Variants in TRAF7 observed in about 807,000 individuals in gnomAD.
The protein encoded by TRAF7 is E3 ubiquitin-protein ligase TRAF7.
In TRAF7, 45 loss-of-function variants were observed where a neutral mutation model predicts 89.3. The ratio of observed to expected loss-of-function variants is 0.50; its 90% CI spans 0.40 to 0.65. The LOEUF (loss-of-function observed/expected upper bound fraction) is 0.65. Among genes scored for constraint, TRAF7 ranks in the 30% least tolerant of loss-of-function variants. The pLI, the probability that TRAF7 is intolerant of heterozygous loss-of-function variation, is 0.00. For synonymous variants in TRAF7, 406 were observed against 369.2 expected (o/e 1.10, Z -1.14); for missense variants, 677 against 918.1 (o/e 0.74, Z 3.39).
chr16:2,171,260 C>G lies in TRAF7; in HGVS notation c.349-4C>G, dbSNP rs752991506. The stretch of plus-strand genomic sequence containing the variant: ...CATCGCCTGCCTTTCCCGCTTGGTT[C>G]CAGGAGCCACTGGTGTTTGCGGAGC... On this transcript the variant is annotated splice_polypyrimidine_tract_variant and splice_region_variant and intron_variant, in intron 5 of 20. Coordinates refer to ENST00000326181, the MANE Select transcript of TRAF7 (RefSeq NM_032271.3). 6.3e-5 allele frequency: 97 copies of G among 1,545,080 alleles called. No homozygotes were observed. The highest frequency in any genetic ancestry group is 4.6e-4 in the South Asian group (39 of 84,146).
At position 2,172,201 on chromosome 16, in the gene TRAF7, C is replaced by A. The variant is rs752623393; in HGVS notation, c.486C>A (p.Pro162=). 36 of 1,612,912 alleles carry A rather than the reference C, an allele frequency of 2.2e-5. No individual in the cohort carries two copies. In the South Asian group the frequency reaches 3.7e-4, roughly 17 times the overall value. Residue 162 remains proline (P), a synonymous_variant, in exon 8 of 21, where the codon CCC becomes CCA. Transcript: ENST00000326181. ...RRCALKSEKC[P]VDNVKLTVVV... is the part of the protein sequence containing the mutation. ...GCCCTCCTCTCCCAGAGAAGTGTCC[C>A]GTGGACAACGTCAAACTGACCGTGG...
chr16:2,167,108 AC>A (rs1403274012), intron 3 of TRAF7, among the ~76,000 whole-genome samples: 2 of 148,228 alleles, frequency 1.3e-5, no homozygotes, highest in Admixed American at 6.7e-5. Context: ...TTCTAATCCT[AC>A]CCCCCAAAAA....
At chr16:2,173,085 G>C in intron 9 of TRAF7, 97 bp from the exon 10 acceptor site, 3 of 1,136,016 alleles carry the variant, frequency 2.6e-6, no homozygotes, top group Non-Finnish European at 3.8e-6. Flanking sequence ...GACCTGGGGT[G>C]CAGCGGCCAC....
In TRAF7 at chr16:2,175,824, T is replaced by C. The variant is rs2093133423; in HGVS notation, c.1627-10T>C. On this transcript the variant is annotated splice_polypyrimidine_tract_variant and intron_variant, in intron 17 of 20. Coordinates refer to ENST00000326181, the MANE Select transcript of TRAF7 (RefSeq NM_032271.3). ...TGGCCTGGGACCAACTGGCCCACGA[T>C]TACTCATAGATCTGGGACATCCGAA... The C allele has an allele frequency of 1.2e-6, 2 of 1,612,042 alleles. No homozygotes were observed. Among genetic ancestry groups the C allele is most frequent in the Non-Finnish European group, 1.7e-6 (2 of 1,178,984 alleles).
rs2093066167 is a variant in TRAF7 at position 2,163,625 on chromosome 16, T to A, written c.-38-258T>A. The A allele has an allele frequency of 4.4e-6, 2 of 449,804 alleles. No homozygotes were observed. Among genetic ancestry groups the A allele is most frequent in the Non-Finnish European group, 8.2e-6 (2 of 243,786 alleles). 27.9% of individuals were successfully genotyped at this position (449,804 alleles called of 1,614,324 possible). ...CACCTCGGGGAAGAGCTGGATGGGCTCTTCGGGAGCTCAGAAAGGCTAAGC... is the reference window on the plus strand; with the variant it reads ...CACCTCGGGGAAGAGCTGGATGGGCACTTCGGGAGCTCAGAAAGGCTAAGC... On this transcript the variant is annotated intron_variant, in intron 1 of 20. Coordinates refer to ENST00000326181, the MANE Select transcript of TRAF7 (RefSeq NM_032271.3). This position sits in a 1 kb window ranked among gnomAD's most constrained non-coding sequence, Gnocchi z 4.3.
chr16:2,164,161 CG>C (rs1829084269), intron 2 of TRAF7, among the ~76,000 whole-genome samples, 160 bp downstream of exon 2: 1 of 67,578 alleles, frequency 1.5e-5, no homozygotes, highest in Non-Finnish European at 3.5e-5. Flanking sequence ...TGTGTGTGTG[CG>C]CGCGCGCGCG....
chr16:2,164,061 T>G, intron 2 of TRAF7, 60 bp downstream of exon 2: 1 of 1,483,242 alleles, frequency 6.7e-7, no homozygotes, highest in Non-Finnish European at 9.2e-7. Flanking sequence ...GCCCCAGGGA[T>G]CTGGTGTTGC....
At chr16:2,167,825 G>A (rs2093092478) in intron 3 of TRAF7, among the ~76,000 whole-genome samples, 1 of 152,140 alleles carries the variant, frequency 6.6e-6, no homozygotes, top group South Asian at 2.1e-4. Flanking sequence ...TGGGGCAGGG[G>A]CTACCGGGCT....
Position 2,176,136 on chromosome 16 carries a change from G to T in TRAF7, c.1834G>T (p.Asp612Tyr). ...TGCCCTGGCGGTCATCTCGACGCCA[G>T]ACCAGACCAAAGTCTTCAGTGCATC... is the stretch of plus-strand genomic sequence containing the variant. ...VYALAVISTP[D>Y]QTKVFSASYD... The change falls in exon 19 of 21, where the codon GAC (aspartate) becomes TAC (tyrosine). Residue 612 changes from aspartate to tyrosine, a missense_variant. Asp to Tyr is a radical substitution (Grantham distance 160). Transcript: ENST00000326181. 6.2e-7 allele frequency: 1 copy of T among 1,610,294 alleles called. No individual in the cohort carries two copies. The highest frequency in any genetic ancestry group is 1.1e-5 in the South Asian group (1 of 90,962).
At chr16:2,165,422 C>T (rs528816480) in intron 2 of TRAF7, among the ~76,000 whole-genome samples, 27 of 134,984 alleles carry the variant, frequency 2.0e-4, no homozygotes, top group Non-Finnish European at 3.6e-4. Context: ...CTGGCCTGGT[C>T]GCATGGTTAA....
intron 3 of TRAF7, among the ~76,000 whole-genome samples, chr16:2,166,301 G>T (rs899360320): frequency 6.6e-6 from 1 of 152,174 alleles, no homozygotes; most frequent in Admixed American, 6.5e-5. Flanking sequence ...CCTCCGAAAG[G>T]TCCCGTGTGC....
At chr16:2,175,755 G>A in intron 17 of TRAF7, 79 bp from the exon 18 acceptor site, 2 of 1,597,760 alleles carry the variant, frequency 1.3e-6, no homozygotes, top group Non-Finnish European at 1.7e-6. Flanking sequence ...CTGCCCAGCA[G>A]TGCTGAAGCC....
intron 14 of TRAF7, among the ~76,000 whole-genome samples, chr16:2,174,908 A>G (rs1307436394): frequency 6.6e-6 from 1 of 152,196 alleles, no homozygotes; most frequent in African/African-American, 2.4e-5. Context: ...CTTTCCAGGC[A>G]GGCATCAGGG....
chr16:2,158,559 G>A lies in TRAF7; in HGVS notation c.-39+2701G>A, dbSNP rs1002858032. ...GGTGTGGGAAAGGAGGTGGCAGTGC[G>A]GTGGCACGCTGGCATGAGGGCGCTG... On this transcript the variant is annotated intron_variant, in intron 1 of 20. Transcript: ENST00000326181. This position sits in a 1 kb window ranked among gnomAD's most constrained non-coding sequence, Gnocchi z 4.7. Among the ~76,000 whole-genome samples, 3 of 152,232 alleles carry A rather than the reference G, an allele frequency of 2.0e-5. No homozygotes were observed. The highest frequency in any genetic ancestry group is 4.4e-5 in the Non-Finnish European group (3 of 68,046).
Position 2,176,548 on chromosome 16 carries a change from C to G in TRAF7, c.1999-12C>G, listed in dbSNP as rs755386403. ...CGCAGGACATCCTGGTGAAGCAGCC[C>G]TTTCTCTGCAGGTTTGGACTTGCTA... On this transcript the variant is annotated splice_polypyrimidine_tract_variant and intron_variant, in intron 20 of 20. Transcript: ENST00000326181. 1 of 1,613,410 alleles carries G rather than the reference C, an allele frequency of 6.2e-7. No homozygotes were observed. Among genetic ancestry groups the G allele is most frequent in the Non-Finnish European group, 8.5e-7 (1 of 1,180,012 alleles).
intron 1 of TRAF7, among the ~76,000 whole-genome samples, chr16:2,156,156 G>C (rs980693302): frequency 2.0e-5 from 3 of 151,978 alleles, no homozygotes; most frequent in African/African-American, 7.3e-5. Context: ...TGTTCTGGGC[G>C]CCGGGAGACC....
rs1567255898 is a variant in TRAF7 at position 2,178,054 on chromosome 16, A to T, written c.*1480A>T. The T allele has an allele frequency of 8.5e-6, 4 of 469,046 alleles. No individual in the cohort carries two copies. Among genetic ancestry groups the T allele is most frequent in the Non-Finnish European group, 1.6e-5 (4 of 248,190 alleles). The allele number at this position is 469,046 out of a possible 1,614,324, so 29.1% of individuals were successfully genotyped here. ...TTCTTTCTTTAAATATATATTTGTT[A>T]AAGTTATACCTTTTTGTTTCTCTGG... is the stretch of plus-strand genomic sequence containing the variant. On this transcript the variant is annotated 3_prime_UTR_variant, in exon 21 of 21. Coordinates refer to ENST00000326181, the MANE Select transcript of TRAF7 (RefSeq NM_032271.3).
intron 2 of TRAF7, among the ~76,000 whole-genome samples, 172 bp downstream of exon 2, chr16:2,164,173 C>CGCGCGCGCGT (rs2093070605): frequency 8.2e-6 from 1 of 121,458 alleles, no homozygotes; most frequent in Non-Finnish European, 1.7e-5. Flanking sequence ...CGCGCGCGCG[C>CGCGCGCGCGT]GCGCGCGCAC....
chr16:2,166,238 G>T (rs1406892452), intron 3 of TRAF7, among the ~76,000 whole-genome samples: 3 of 152,116 alleles, frequency 2.0e-5, no homozygotes, highest in African/African-American at 7.2e-5. Flanking sequence ...ACACAGCCCT[G>T]TCCCTTGTCA....
Sources: allele counts gnomAD v4.1 joint callset (sites outside exome capture counted in the v4.1 genomes callset), GRCh38; gene constraint gnomAD v4.1.1; non-coding constraint Gnocchi (gnomAD v3.1); transcripts MANE v1.5; gene names NCBI Gene and HGNC (gene_info 2026-07-23, HGNC 2026-07-21).